The following LPP variants were observed in gnomAD, a reference collection of about 807,000 sequenced individuals.
LPP encodes LIM domain containing preferred translocation partner in lipoma.
A neutral mutation model predicts 60.4 loss-of-function variants in LPP; 38 were observed. The ratio of observed to expected loss-of-function variants is 0.63; its 90% CI spans 0.49 to 0.83. The LOEUF (loss-of-function observed/expected upper bound fraction) is 0.83. LPP is among the 40% of genes least tolerant of loss of function. The pLI, the probability that LPP is intolerant of heterozygous loss-of-function variation, is 0.00. For synonymous variants in LPP, 328 were observed against 290.8 expected, an observed-to-expected ratio of 1.13 and a Z score of -1.30; for missense variants, 902 against 783.6, an observed-to-expected ratio of 1.15 and a Z score of -1.80.
intron 2 of LPP, among the ~76,000 whole-genome samples, chr3:188,297,202 C>G (rs2150107763): frequency 6.6e-6 from 1 of 152,288 alleles, no homozygotes; most frequent in East Asian, 1.9e-4. Flanking sequence ...TTAGATAACT[C>G]AGCCTTGAGT....
intron 6 of LPP, among the ~76,000 whole-genome samples, chr3:188,543,536 A>G (rs1204890471): frequency 2.0e-5 from 3 of 152,146 alleles, no homozygotes; most frequent in African/African-American, 4.8e-5. Context: ...ATTTTTTTAT[A>G]TGGTTCGATT....
At chr3:188,329,205 G>A (rs79017303) in intron 2 of LPP, among the ~76,000 whole-genome samples, 4,460 of 152,230 alleles carry the variant, frequency 0.029, 136 homozygotes, top group South Asian at 0.087. Flanking sequence ...GGAGAGTGGT[G>A]GAAAGATGTG....
At chr3:188,537,786 CCAAAAT>C (rs1560535408) in intron 6 of LPP, among the ~76,000 whole-genome samples, 1 of 151,986 alleles carries the variant, frequency 6.6e-6, no homozygotes, top group Non-Finnish European at 1.5e-5. Context: ...CCCAGAATTG[CCAAAAT>C]CATCTTGAAA....
At chr3:188,368,549 C>G (rs1042067026) in intron 3 of LPP, among the ~76,000 whole-genome samples, 1 of 152,036 alleles carries the variant, frequency 6.6e-6, no homozygotes, top group Non-Finnish European at 1.5e-5. Context: ...AAAATCAGAA[C>G]TAAAGTCAAG....
rs1031351945 is a variant in LPP at position 188,875,776 on chromosome 3, A to C, written c.*1297A>C. 1 of 198,040 alleles carries C rather than the reference A, an allele frequency of 5.0e-6. No homozygotes were observed. Among genetic ancestry groups the C allele is most frequent in the South Asian group, 1.9e-4 (1 of 5,244 alleles). 12.3% of individuals were successfully genotyped at this position (198,040 alleles called of 1,614,324 possible). On this transcript the variant is annotated 3_prime_UTR_variant, in exon 12 of 12. Transcript: ENST00000617246. ...GCCTAGAATCTTTATTCAAACTTTTATTAGCCAGTGAAACACTTGCTTGCC... is the reference window on the plus strand; with the variant it reads ...GCCTAGAATCTTTATTCAAACTTTTCTTAGCCAGTGAAACACTTGCTTGCC...
intron 4 of LPP, among the ~76,000 whole-genome samples, chr3:188,411,888 T>A (rs1389818347): frequency 1.3e-5 from 2 of 152,158 alleles, no homozygotes; most frequent in Admixed American, 1.3e-4. Context: ...TAATACACTC[T>A]GGGGATTAGT....
intron 6 of LPP, among the ~76,000 whole-genome samples, chr3:188,582,186 A>C (rs189096147): frequency 3.5e-4 from 41 of 116,346 alleles, no homozygotes; most frequent in African/African-American, 1.0e-4. Context: ...TTTGAGACAG[A>C]CTCTCATTCT....
At chr3:188,592,799 C>G (rs1217829758) in intron 6 of LPP, among the ~76,000 whole-genome samples, 2 of 151,902 alleles carry the variant, frequency 1.3e-5, no homozygotes, top group Non-Finnish European at 2.9e-5. Flanking sequence ...CTTGGCCTCC[C>G]AAAGCGCTGG....
chr3:188,665,884 G>C (rs1265028055), intron 7 of LPP, among the ~76,000 whole-genome samples: 1 of 152,200 alleles, frequency 6.6e-6, no homozygotes, highest in Non-Finnish European at 1.5e-5. Flanking sequence ...TATAAAGTTT[G>C]CATTTTAGGA....
chr3:188,889,953 T>C lies in LPP; in HGVS notation c.*15474T>C, dbSNP rs1163720116. On this transcript the variant is annotated 3_prime_UTR_variant, in exon 12 of 12. Coordinates refer to ENST00000617246, the MANE Select transcript of LPP (RefSeq NM_001375462.1). ...TGGAAAATGAGTTCAAAAATTTCAGTGTAATGTCATAAGGATGTTGGGATA... is the reference window on the plus strand; with the variant it reads ...TGGAAAATGAGTTCAAAAATTTCAGCGTAATGTCATAAGGATGTTGGGATA... 6 of 213,312 alleles carry C rather than the reference T, an allele frequency of 2.8e-5. No homozygotes were observed. Among genetic ancestry groups the C allele is most frequent in the Non-Finnish European group, 5.7e-5 (6 of 105,554 alleles). 13.2% of individuals were successfully genotyped at this position (213,312 alleles called of 1,614,324 possible).
chr3:188,287,592 G>T (rs191751164), intron 2 of LPP, among the ~76,000 whole-genome samples: 1 of 152,086 alleles, frequency 6.6e-6, no homozygotes, highest in East Asian at 1.9e-4. Flanking sequence ...TCCCTTTTTC[G>T]GGGGACTGGC....
chr3:188,752,035 T>G (rs2150331049), intron 8 of LPP, among the ~76,000 whole-genome samples: 1 of 152,324 alleles, frequency 6.6e-6, no homozygotes, highest in East Asian at 1.9e-4. Context: ...CATGTGCCTT[T>G]CTGTTCTAGT....
intron 9 of LPP, among the ~76,000 whole-genome samples, chr3:188,771,917 G>A (rs1327770597): frequency 6.6e-6 from 1 of 152,170 alleles, no homozygotes; most frequent in Non-Finnish European, 1.5e-5. Flanking sequence ...CTCAAAATGT[G>A]TCAGCGGTCA....
intron 4 of LPP, among the ~76,000 whole-genome samples, chr3:188,482,160 G>A (rs9815256): frequency 0.77 from 116,407 of 152,060 alleles, 44,792 homozygotes; most frequent in Non-Finnish European, 0.8. Context: ...ACCTTCTGCC[G>A]TGATTGTAAC....
intron 3 of LPP, among the ~76,000 whole-genome samples, chr3:188,365,385 GTC>G (rs1163690516): frequency 2.0e-5 from 3 of 152,202 alleles, no homozygotes; most frequent in Admixed American, 1.3e-4. Flanking sequence ...TCCACGCTGT[GTC>G]TGTCTCGCCT....
intron 7 of LPP, among the ~76,000 whole-genome samples, chr3:188,685,166 C>T (rs1447930311): frequency 2.0e-5 from 3 of 152,132 alleles, no homozygotes; most frequent in Non-Finnish European, 4.4e-5. Context: ...ACAGTGGGCT[C>T]TGAAGTATGT....
At chr3:188,682,460 G>T (rs977846272) in intron 7 of LPP, among the ~76,000 whole-genome samples, 1 of 152,178 alleles carries the variant, frequency 6.6e-6, no homozygotes, top group Non-Finnish European at 1.5e-5. Context: ...CGTTTTGTAG[G>T]CTGTCCCTGC....
At chr3:188,639,776 A>T (rs1355771743) in intron 7 of LPP, among the ~76,000 whole-genome samples, 1 of 152,264 alleles carries the variant, frequency 6.6e-6, no homozygotes, top group Non-Finnish European at 1.5e-5. Context: ...AATGCTCATC[A>T]TTACTGGCCA....
At chr3:188,723,050 C>A (rs1314834406) in intron 8 of LPP, among the ~76,000 whole-genome samples, 1 of 152,146 alleles carries the variant, frequency 6.6e-6, no homozygotes, top group Non-Finnish European at 1.5e-5. Context: ...AAGCAACACA[C>A]CAAGATATAC....
Sources: gnomAD v4.1 joint callset for allele counts (sites outside exome capture counted in the v4.1 genomes callset) on GRCh38, gnomAD v4.1.1 for gene constraint, MANE v1.5 for transcripts, NCBI Gene and HGNC (gene_info 2026-07-23, HGNC 2026-07-21) for gene names.